SURF4: variants seen among roughly 807,000 people sequenced by gnomAD.
The protein encoded by SURF4 is surfeit 4.
In SURF4, 3 loss-of-function variants were observed where a neutral mutation model predicts 30.0. That is an observed-to-expected ratio of 0.10 (90% CI 0.05 to 0.26). The LOEUF (loss-of-function observed/expected upper bound fraction) is 0.26, where lower values mean the gene tolerates loss of function less well. Among genes scored for constraint, SURF4 ranks in the 10% least tolerant of loss-of-function variants. The probability of loss-of-function intolerance (pLI) is 1.00; values close to 1 mark genes in which losing one functional copy is unlikely to be tolerated. For synonymous variants in SURF4, 143 were observed against 139.9 expected, an observed-to-expected ratio of 1.02 and a Z score of -0.16; for missense variants, 217 against 350.8, an observed-to-expected ratio of 0.62 and a Z score of 3.05.
rs200616316 is a variant in SURF4, at chr9:133,366,026, C to G, written c.315G>C (p.Thr105=). The change falls in exon 4 of 6, where the codon ACG becomes ACC. Residue 105 remains threonine (T), a splice_region_variant and synonymous_variant. Transcript: ENST00000371989. The stretch of plus-strand genomic sequence containing the variant: ...AGTCCCATAAAATGCTGTAGGCAAT[C>G]GTCTGAGGGGAAAGAAGAGAGAGAT... The part of the protein sequence containing the change: ...FGLFGIIALQ[T]IAYSILWDLK... 2 of 1,614,038 alleles carry G rather than the reference C, an allele frequency of 1.2e-6. No homozygotes were observed. Among genetic ancestry groups the G allele is most frequent in the Admixed American group, 3.3e-5 (2 of 60,024 alleles).
At chr9:133,369,786 C>T (rs1351418447) in intron 1 of SURF4, among the ~76,000 whole-genome samples, 5 of 152,264 alleles carry the variant, frequency 3.3e-5, no homozygotes, top group East Asian at 3.8e-4. Flanking sequence ...AATGGCCTCA[C>T]ATCGTGGCCC....
chr9:133,375,465 G>A (rs1055662794), intron 1 of SURF4: 17 of 974,778 alleles, frequency 1.7e-5, no homozygotes, highest in Non-Finnish European at 1.7e-5. Context: ...TTTCCTCTGG[G>A]AGGACCCCCG....
intron 1 of SURF4, chr9:133,370,789 C>G (rs1185231087): frequency 2.8e-6 from 3 of 1,061,468 alleles, no homozygotes; most frequent in Admixed American, 4.6e-5. Flanking sequence ...GACAGTCCCC[C>G]TCCCCCCCAT....
chr9:133,370,663 C>G (rs1179036), intron 1 of SURF4, among the ~76,000 whole-genome samples: 9,764 of 152,230 alleles, frequency 0.064, 370 homozygotes, highest in Middle Eastern at 0.12. Context: ...TCAACACAGG[C>G]AGGACACACA....
At chr9:133,365,240 A>G (rs1837097983) in intron 4 of SURF4, among the ~76,000 whole-genome samples, 1 of 152,182 alleles carries the variant, frequency 6.6e-6, no homozygotes, top group Non-Finnish European at 1.5e-5. Flanking sequence ...CTCAGGAGAC[A>G]GAGGTATCTT....
intron 1 of SURF4, among the ~76,000 whole-genome samples, chr9:133,373,935 A>G (rs1461391229): frequency 2.7e-5 from 4 of 147,476 alleles, no homozygotes; most frequent in Middle Eastern, 3.4e-3. Context: ...AAAAAAAAAA[A>G]GAAGAAGAAA....
chr9:133,368,371 C>T (rs980923443), intron 1 of SURF4, among the ~76,000 whole-genome samples: 5 of 152,238 alleles, frequency 3.3e-5, no homozygotes, highest in South Asian at 2.1e-4. Flanking sequence ...CTCTGGACAG[C>T]GCATGTGTGC....
chr9:133,375,515 GC>G, intron 1 of SURF4: 1 of 721,272 alleles, frequency 1.4e-6, no homozygotes, highest in Non-Finnish European at 1.7e-6. Context: ...GCCTCCGGGA[GC>G]CCCAGTGAGA....
intron 1 of SURF4, among the ~76,000 whole-genome samples, chr9:133,375,020 C>T (rs2130231929): frequency 1.1e-4 from 16 of 152,368 alleles, no homozygotes; most frequent in East Asian, 5.8e-4. Context: ...AATTTGTCGA[C>T]ATAACGGGAT....
rs1389010144 is a variant in SURF4 at position 133,376,010 on chromosome 9, G to T, written c.-41C>A. 1.6e-6 allele frequency: 2 copies of T among 1,218,758 alleles called. No individual in the cohort carries two copies. The highest frequency in any genetic ancestry group is 8.7e-5 in the Admixed American group (2 of 23,062). The allele number at this position is 1,218,758 out of a possible 1,614,324, so 75.5% of individuals were successfully genotyped here. On this transcript the variant is annotated 5_prime_UTR_variant, in exon 1 of 6. Transcript: ENST00000371989. ...CTCGGCTCGGCTCGCTCGCTCGCTC[G>T]CTGGCTCTCGCCCGTCGGCGCCCGC...
chr9:133,376,096 C>CT, upstream of SURF4: 1 of 1,203,908 alleles, frequency 8.3e-7, no homozygotes, highest in Non-Finnish European at 1.0e-6. Context: ...TCGGCTGCGG[C>CT]TCCAGCGGCT....
chr9:133,366,121 C>A, intron 3 of SURF4, 93 bp from the exon 4 acceptor site: 1 of 1,275,398 alleles, frequency 7.8e-7, no homozygotes, highest in Non-Finnish European at 1.1e-6. Context: ...TCTCCAATGT[C>A]AGCTGGAGTC....
chr9:133,362,237 C>G lies in SURF4; in HGVS notation c.*1256G>C, dbSNP rs915279523. 17 of 152,306 alleles carry G rather than the reference C, an allele frequency of 1.1e-4. No homozygotes were observed. Among genetic ancestry groups the G allele is most frequent in the African/African-American group, 4.1e-4 (17 of 41,400 alleles). 9.4% of individuals were successfully genotyped at this position (152,306 alleles called of 1,614,324 possible). ...CCTGTCCCCAGATAGGTCTAGGGGC[C>G]AGAGAGGTGTTCGACTACCCTTGTG... is the stretch of plus-strand genomic sequence containing the variant. On this transcript the variant is annotated 3_prime_UTR_variant, in exon 6 of 6. Transcript: ENST00000371989.
chr9:133,373,696 C>T (rs1040489834), intron 1 of SURF4, among the ~76,000 whole-genome samples: 5 of 151,140 alleles, frequency 3.3e-5, no homozygotes, highest in African/African-American at 1.2e-4. Flanking sequence ...GGCAGGCGGA[C>T]CACCTGAGGT....
upstream of SURF4, chr9:133,376,489 T>G: frequency 6.3e-7 from 1 of 1,593,976 alleles, no homozygotes; most frequent in South Asian, 1.1e-5. Context: ...TGGGCCAGGG[T>G]CCAATCGCAG....
In SURF4 at chr9:133,363,803, A is replaced by G. The variant is rs1467623191; in HGVS notation, c.544-44T>C. 6.2e-7 allele frequency: 1 copy of G among 1,611,038 alleles called. No individual in the cohort carries two copies. The highest frequency in any genetic ancestry group is 1.3e-5 in the African/African-American group (1 of 74,822). ...AAGAAATTCAAAATAAATGTGAGGAAAAGAGATGCTTTATAAACAAAAGTT... is the reference window on the plus strand; with the variant it reads ...AAGAAATTCAAAATAAATGTGAGGAGAAGAGATGCTTTATAAACAAAAGTT... On this transcript the variant is annotated intron_variant, in intron 5 of 5. Transcript: ENST00000371989. This position sits in a 1 kb window ranked among gnomAD's most constrained non-coding sequence, Gnocchi z 4.3.
In SURF4 at chr9:133,363,630, T is replaced by C. The variant is rs2130089323; in HGVS notation, c.673A>G (p.Ile225Val). The C allele has an allele frequency of 7.4e-6, 12 of 1,614,204 alleles. No individual in the cohort carries two copies. The highest frequency in any genetic ancestry group is 1.0e-5 in the Non-Finnish European group (12 of 1,180,048). Residue 225 changes from isoleucine (I) to valine (V), a missense_variant, in exon 6 of 6, where the codon ATT (isoleucine) becomes GTT (valine). Transcript: ENST00000371989. The surrounding 1 kb of genome is among the most constrained non-coding windows in gnomAD (Gnocchi z 4.3). ...INVYFNAFWT[I>V]PVYKPMHDFL... ...TCATGCATGGGCTTGTAGACTGGAA[T>C]GGTCCAGAAGGCGTTGAAATATACG... is the stretch of plus-strand genomic sequence containing the variant.
chr9:133,372,996 C>T (rs963608291), intron 1 of SURF4, among the ~76,000 whole-genome samples: 2 of 152,212 alleles, frequency 1.3e-5, no homozygotes, highest in African/African-American at 4.8e-5. Flanking sequence ...GATCATCTGA[C>T]GGCGGCAGCC....
upstream of SURF4, among the ~76,000 whole-genome samples, chr9:133,376,857 C>G (rs2130251889): frequency 5.9e-5 from 9 of 152,286 alleles, no homozygotes; most frequent in African/African-American, 2.2e-4. Context: ...TTGGGTCCAC[C>G]GAGGCAGGAC....
Sources: allele counts gnomAD v4.1 joint callset (sites outside exome capture counted in the v4.1 genomes callset), GRCh38; gene constraint gnomAD v4.1.1; non-coding constraint Gnocchi (gnomAD v3.1); transcripts MANE v1.5; gene names NCBI Gene and HGNC (gene_info 2026-07-23, HGNC 2026-07-21).